Variants in ZNF566 observed in about 807,000 individuals in gnomAD.
The protein encoded by ZNF566 is zinc finger protein 566.
ZNF566 carries 27 observed loss-of-function variants against 32.8 expected under a neutral mutation model. The ratio of observed to expected loss-of-function variants is 0.82; its 90% confidence interval spans 0.61 to 1.14. ZNF566 has a LOEUF of 1.14. Ranked by LOEUF, ZNF566 falls within the 50% of genes most tolerant of loss-of-function variation. The probability of loss-of-function intolerance (pLI) is 0.00; values close to 1 mark genes in which losing one functional copy is unlikely to be tolerated. For synonymous variants in ZNF566, 154 were observed against 159.5 expected (o/e 0.97, Z 0.26); for missense variants, 402 against 490.4 (o/e 0.82, Z 1.70).
At chr19:36,455,105 T>TA (rs1314390141) in intron 4 of ZNF566, among the ~76,000 whole-genome samples, 1 of 152,172 alleles carries the variant, frequency 6.6e-6, no homozygotes, top group Non-Finnish European at 1.5e-5. Context: ...CACCACATCC[T>TA]AAAACCATAT....
At chr19:36,462,906 G>A (rs1207277790) in intron 4 of ZNF566, among the ~76,000 whole-genome samples, 1 of 126,946 alleles carries the variant, frequency 7.9e-6, no homozygotes, top group Non-Finnish European at 1.6e-5. Flanking sequence ...GCAGTGAGCC[G>A]AGACTGTGCC....
At chr19:36,478,863 A>G (rs1167517998) in intron 1 of ZNF566, among the ~76,000 whole-genome samples, 1 of 152,236 alleles carries the variant, frequency 6.6e-6, no homozygotes, top group African/African-American at 2.4e-5. Flanking sequence ...TGCTGACTAT[A>G]AAAGCAATGG....
chr19:36,469,056 C>T (rs1196197491), intron 4 of ZNF566, among the ~76,000 whole-genome samples: 2 of 151,728 alleles, frequency 1.3e-5, no homozygotes, highest in Admixed American at 6.6e-5. Flanking sequence ...AATTATCATG[C>T]TATGGTGAAA....
intron 1 of ZNF566, among the ~76,000 whole-genome samples, chr19:36,482,034 G>T (rs1271296030): frequency 1.3e-5 from 2 of 152,194 alleles, no homozygotes; most frequent in Admixed American, 1.3e-4. Context: ...AAGAAACACA[G>T]CAAGGATAAA....
chr19:36,482,795 G>A (rs759212819), intron 1 of ZNF566, among the ~76,000 whole-genome samples: 2 of 152,186 alleles, frequency 1.3e-5, no homozygotes, highest in African/African-American at 2.4e-5. Flanking sequence ...TTCTCCATGG[G>A]TCTTGCATGT....
At chr19:36,474,467 T>C (rs1600168189) in intron 2 of ZNF566, among the ~76,000 whole-genome samples, 1 of 152,298 alleles carries the variant, frequency 6.6e-6, no homozygotes, top group East Asian at 1.9e-4. Context: ...TAATAAGGTG[T>C]ATACTATTGA....
chr19:36,470,262 A>C (rs1295563877), intron 4 of ZNF566, among the ~76,000 whole-genome samples: 1 of 152,214 alleles, frequency 6.6e-6, no homozygotes, highest in East Asian at 1.9e-4. Flanking sequence ...CCTGCATGGC[A>C]TCTATGCTGC....
intron 1 of ZNF566, among the ~76,000 whole-genome samples, chr19:36,484,351 A>G (rs1167779484): frequency 1.3e-5 from 2 of 152,186 alleles, no homozygotes; most frequent in African/African-American, 2.4e-5. Flanking sequence ...AAGGACTCAA[A>G]TATAGAAGTA....
intron 1 of ZNF566, among the ~76,000 whole-genome samples, chr19:36,479,567 CAAAT>C (rs1467157963): frequency 5.9e-5 from 9 of 152,288 alleles, no homozygotes; most frequent in Admixed American, 2.0e-4. Flanking sequence ...AGGATCTTAA[CAAAT>C]GTCGACATAT....
intron 4 of ZNF566, among the ~76,000 whole-genome samples, chr19:36,469,719 C>A (rs1358150583): frequency 2.6e-5 from 4 of 152,036 alleles, no homozygotes; most frequent in Non-Finnish European, 5.9e-5. Context: ...ATGAATACTA[C>A]CAAACACTGT....
At chr19:36,487,343 C>G (rs564875327) in intron 1 of ZNF566, among the ~76,000 whole-genome samples, 14 of 152,222 alleles carry the variant, frequency 9.2e-5, no homozygotes, top group African/African-American at 3.4e-4. Context: ...TAAGTATTAA[C>G]CCGGGAGAAA....
chr19:36,472,225 C>G (rs1356358273), intron 4 of ZNF566, among the ~76,000 whole-genome samples: 1 of 152,124 alleles, frequency 6.6e-6, no homozygotes, highest in African/African-American at 2.4e-5. Context: ...ATTTCCAACC[C>G]TCTATATAAA....
intron 4 of ZNF566, among the ~76,000 whole-genome samples, chr19:36,455,390 A>G (rs570179094): frequency 2.6e-5 from 4 of 152,284 alleles, no homozygotes; most frequent in Admixed American, 2.6e-4. Flanking sequence ...AAGGAATAAA[A>G]GGCATCCAAA....
rs79028574 is a variant in ZNF566 at position 36,481,473 on chromosome 19, GAAAAAA to G, written c.-59-4863_-59-4858del. On this transcript the variant is annotated intron_variant, in intron 1 of 4. Transcript: ENST00000452939. ...GCAACAGAGCAAGACACTGTCTCGG[GAAAAAA>G]AAAAAAAAAAAAAAAAGAAAAGAAC... Among the ~76,000 whole-genome samples, 18 of 110,846 alleles carry G rather than the reference GAAAAAA, an allele frequency of 1.6e-4. No homozygotes were observed. The South Asian group carries it at 3.1e-3, about 19-fold the overall frequency. The allele number at this position is 110,846 out of a possible 152,430, so 72.7% of individuals were successfully genotyped here. A position where few individuals can be genotyped will look rare whatever the true frequency, so the allele number is the denominator to read the frequency against.
At chr19:36,467,067 A>C (rs1019835793) in intron 4 of ZNF566, among the ~76,000 whole-genome samples, 8 of 136,774 alleles carry the variant, frequency 5.8e-5, no homozygotes, top group Non-Finnish European at 1.1e-4. Context: ...AGACTCCGTC[A>C]AAAAAAAAAA....
intron 4 of ZNF566, among the ~76,000 whole-genome samples, chr19:36,464,959 G>A (rs1182714811): frequency 6.6e-6 from 1 of 152,016 alleles, no homozygotes; most frequent in Non-Finnish European, 1.5e-5. Flanking sequence ...TAACGAAAGT[G>A]AATAAAAAAG....
intron 4 of ZNF566, among the ~76,000 whole-genome samples, chr19:36,471,408 C>T (rs543563531): frequency 7.9e-5 from 12 of 152,142 alleles, no homozygotes; most frequent in Middle Eastern, 3.4e-3. Context: ...TCTCACTCCT[C>T]CAGTCACTGG....
At chr19:36,465,943 G>C (rs1353903461) in intron 4 of ZNF566, among the ~76,000 whole-genome samples, 2 of 151,090 alleles carry the variant, frequency 1.3e-5, no homozygotes, top group Admixed American at 1.3e-4. Flanking sequence ...TGGAAAAACA[G>C]ATAAAGAGTA....
intron 4 of ZNF566, among the ~76,000 whole-genome samples, chr19:36,452,364 T>G (rs1311762374): frequency 6.6e-6 from 1 of 151,668 alleles, no homozygotes; most frequent in Non-Finnish European, 1.5e-5. Context: ...GGCTTTAGGG[T>G]TGTAAAAGAG....
Sources: gnomAD v4.1 joint callset for allele counts (sites outside exome capture counted in the v4.1 genomes callset) on GRCh38, gnomAD v4.1.1 for gene constraint, MANE v1.5 for transcripts, NCBI Gene and HGNC (gene_info 2026-07-23, HGNC 2026-07-21) for gene names.